Variants in SCMH1 observed in about 807,000 individuals in gnomAD.
The protein encoded by SCMH1 is polycomb protein SCMH1.
In SCMH1, 37 loss-of-function variants were observed where a neutral mutation model predicts 70.8. The ratio of observed to expected loss-of-function variants is 0.52; its 90% CI spans 0.40 to 0.69. The LOEUF (loss-of-function observed/expected upper bound fraction) is 0.69. SCMH1 is among the 30% of genes least tolerant of loss of function. The pLI is 0.00. For synonymous variants in SCMH1, 292 were observed against 307.4 expected, an observed-to-expected ratio of 0.95 and a Z score of 0.52; for missense variants, 607 against 827.3, an observed-to-expected ratio of 0.73 and a Z score of 3.27.
intron 1 of SCMH1, among the ~76,000 whole-genome samples, chr1:41,213,888 T>A (rs1657564337): frequency 7.1e-6 from 1 of 140,634 alleles, no homozygotes; most frequent in Admixed American, 7.2e-5. Context: ...GCTTACATTT[T>A]TTTTTAAAAA....
chr1:41,095,701 G>T (rs2149059286), intron 8 of SCMH1, among the ~76,000 whole-genome samples: 1 of 152,282 alleles, frequency 6.6e-6, no homozygotes, highest in East Asian at 1.9e-4. Context: ...AGCAGATTTG[G>T]CTCTGTGCAG....
intron 2 of SCMH1, among the ~76,000 whole-genome samples, chr1:41,176,534 A>G (rs1647156300): frequency 6.6e-6 from 1 of 152,192 alleles, no homozygotes; most frequent in African/African-American, 2.4e-5. Context: ...CACCTGGAAA[A>G]TCGGGTCACT....
intron 1 of SCMH1, among the ~76,000 whole-genome samples, chr1:41,189,247 T>G (rs562911587): frequency 7.5e-4 from 115 of 152,326 alleles, no homozygotes; most frequent in African/African-American, 2.6e-3. Context: ...CCTCGCGGGT[T>G]CCAGCGATTC....
chr1:41,195,426 TTAACA>T (rs1652806922), intron 1 of SCMH1, among the ~76,000 whole-genome samples: 1 of 151,588 alleles, frequency 6.6e-6, no homozygotes. Context: ...TGAAAATCAA[TTAACA>T]TAATATACCA....
chr1:41,212,744 C>T (rs1303193641), intron 1 of SCMH1, among the ~76,000 whole-genome samples: 1 of 152,236 alleles, frequency 6.6e-6, no homozygotes, highest in Non-Finnish European at 1.5e-5. Flanking sequence ...TGGCAACCCA[C>T]TCTGTACACA....
intron 10 of SCMH1, among the ~76,000 whole-genome samples, chr1:41,057,261 T>TTTTG (rs764894233): frequency 1.3e-5 from 2 of 152,136 alleles, no homozygotes; most frequent in Admixed American, 1.3e-4. Flanking sequence ...GTTGTTGTTT[T>TTTTG]TTTGTTTGTT....
At chr1:41,164,113 T>C (rs1462950418) in intron 2 of SCMH1, among the ~76,000 whole-genome samples, 1 of 152,164 alleles carries the variant, frequency 6.6e-6, no homozygotes, top group Non-Finnish European at 1.5e-5. Context: ...CATCATTCTC[T>C]GGCAAACACT....
chr1:41,205,137 CG>C (rs1655213369), intron 1 of SCMH1, among the ~76,000 whole-genome samples: 3 of 152,276 alleles, frequency 2.0e-5, no homozygotes, highest in Non-Finnish European at 4.4e-5. Context: ...ATGCAGAATA[CG>C]GGTGATTTCT....
intron 6 of SCMH1, among the ~76,000 whole-genome samples, chr1:41,121,494 A>G (rs931164272): frequency 6.6e-6 from 1 of 152,204 alleles, no homozygotes; most frequent in Admixed American, 6.5e-5. Context: ...TTGAGGCTCT[A>G]TTCAAATTAG....
At chr1:41,090,542 A>G (rs565587929) in intron 8 of SCMH1, among the ~76,000 whole-genome samples, 55 of 152,298 alleles carry the variant, frequency 3.6e-4, no homozygotes, top group African/African-American at 1.3e-3. Flanking sequence ...CCAAAAAAAA[A>G]AAAGATAAAT....
intron 6 of SCMH1, among the ~76,000 whole-genome samples, chr1:41,117,878 C>CT (rs1670933231): frequency 2.0e-5 from 3 of 152,128 alleles, no homozygotes; most frequent in Admixed American, 2.0e-4. Context: ...TACCCTGCCC[C>CT]TTTGTCTTGT....
chr1:41,046,376 C>G (rs371982858), intron 12 of SCMH1, 31 bp downstream of exon 12: 3 of 1,602,498 alleles, frequency 1.9e-6, no homozygotes, highest in African/African-American at 1.3e-5. Context: ...CTGTCCCCCA[C>G]TCTCAGCCCA....
intron 5 of SCMH1, among the ~76,000 whole-genome samples, chr1:41,143,347 T>C (rs1644268160): frequency 6.6e-6 from 1 of 152,150 alleles, no homozygotes; most frequent in South Asian, 2.1e-4. Flanking sequence ...AAGAATGTCT[T>C]ATATAGGCCA....
chr1:41,094,895 A>G (rs1664657512), intron 8 of SCMH1, among the ~76,000 whole-genome samples: 1 of 152,016 alleles, frequency 6.6e-6, no homozygotes, highest in African/African-American at 2.4e-5. Context: ...CCTCAAAAAA[A>G]AAAAAAAAAT....
chr1:41,142,330 T>G (rs1001922581), intron 6 of SCMH1, among the ~76,000 whole-genome samples: 7 of 152,194 alleles, frequency 4.6e-5, no homozygotes, highest in African/African-American at 1.7e-4. Context: ...TCAGATTTAT[T>G]GAGGCAAAAG....
At chr1:41,050,657 A>T (rs1363481737) in intron 10 of SCMH1, among the ~76,000 whole-genome samples, 1 of 152,230 alleles carries the variant, frequency 6.6e-6, no homozygotes, top group African/African-American at 2.4e-5. Context: ...ACTCACTAAA[A>T]TGAGCCAGAT....
At chr1:41,058,689 C>T (rs760603932) in intron 10 of SCMH1, among the ~76,000 whole-genome samples, 5 of 152,064 alleles carry the variant, frequency 3.3e-5, no homozygotes, top group African/African-American at 7.2e-5. Flanking sequence ...CTTATTTATA[C>T]ATTTTCTTAA....
At chr1:41,146,510 C>T (rs1446122537) in intron 5 of SCMH1, among the ~76,000 whole-genome samples, 4 of 151,816 alleles carry the variant, frequency 2.6e-5, no homozygotes, top group East Asian at 1.9e-4. Context: ...GTGCCTGATA[C>T]GGGTGTACAA....
chr1:41,161,496 T>C, intron 2 of SCMH1, 64 bp from the exon 3 acceptor site: 1 of 1,498,018 alleles, frequency 6.7e-7, no homozygotes, highest in Non-Finnish European at 8.9e-7. Context: ...TTTTCCAATT[T>C]GGCAGTATGT....
Sources: gnomAD v4.1 joint callset for allele counts (sites outside exome capture counted in the v4.1 genomes callset) on GRCh38, gnomAD v4.1.1 for gene constraint, MANE v1.5 for transcripts, NCBI Gene and HGNC (gene_info 2026-07-23, HGNC 2026-07-21) for gene names.